Variants in DOCK9 observed in about 807,000 individuals in gnomAD.
DOCK9 encodes the protein dedicator of cytokinesis protein 9.
A neutral mutation model predicts 263.3 loss-of-function variants in DOCK9; 89 were observed. The observed-to-expected ratio is 0.34, with a 90% CI of 0.28 to 0.40. The LOEUF (loss-of-function observed/expected upper bound fraction) is 0.40. Ranked by LOEUF, DOCK9 falls within the 10% of genes least tolerant of loss-of-function variation. The pLI is 1.00. For missense variants in DOCK9, 2,140 were observed against 2,603.4 expected, an observed-to-expected ratio of 0.82 and a Z score of 3.87; for synonymous variants, 976 against 973.1, an observed-to-expected ratio of 1.00 and a Z score of -0.06.
At chr13:99,018,440 TA>T (rs1469897661) in intron 1 of DOCK9, among the ~76,000 whole-genome samples, 1 of 152,256 alleles carries the variant, frequency 6.6e-6, no homozygotes, top group Non-Finnish European at 1.5e-5. Context: ...GTGGGACGAA[TA>T]AATTTCTGTT....
At chr13:98,854,316 A>AT (rs1010286515) in intron 34 of DOCK9, among the ~76,000 whole-genome samples, 39 of 152,158 alleles carry the variant, frequency 2.6e-4, no homozygotes, top group Admixed American at 2.0e-3. Context: ...AATAAAAAAA[A>AT]TTTTTTTACC....
At chr13:98,865,843 G>A (rs1454601065) in intron 30 of DOCK9, among the ~76,000 whole-genome samples, 1 of 152,168 alleles carries the variant, frequency 6.6e-6, no homozygotes, top group Non-Finnish European at 1.5e-5. Flanking sequence ...CATGCAGGAG[G>A]TGTGGAGTGG....
At chr13:98,885,917 G>A (rs2045624601) in intron 19 of DOCK9, 86 bp from the exon 20 acceptor site, 12 of 1,241,150 alleles carry the variant, frequency 9.7e-6, no homozygotes, top group Admixed American at 2.5e-5. Context: ...GTTACCCAAC[G>A]CATAAACGTG....
intron 39 of DOCK9, among the ~76,000 whole-genome samples, chr13:98,833,805 G>A (rs1038007049): frequency 2.0e-5 from 3 of 151,936 alleles, no homozygotes; most frequent in African/African-American, 7.3e-5. Flanking sequence ...CTTTTTCTGT[G>A]TCTCCCTGCT....
In DOCK9 at chr13:98,829,543, G is replaced by A. The variant is rs1423480656; in HGVS notation, c.4750-21C>T. The stretch of plus-strand genomic sequence containing the variant: ...GTGTGCTAAAACAAGGGTGGAAGAG[G>A]AAAGGACACATGGCTTCCTCTGTTT... On this transcript the variant is annotated intron_variant, in intron 42 of 52. Coordinates refer to ENST00000682017, the MANE Select transcript of DOCK9 (RefSeq NM_001366683.2). The surrounding 1 kb of genome is among the most constrained non-coding windows in gnomAD (Gnocchi z 4.1). 6.9e-6 allele frequency: 11 copies of A among 1,603,808 alleles called. No individual in the cohort carries two copies. The highest frequency in any genetic ancestry group is 9.4e-6 in the Non-Finnish European group (11 of 1,174,390).
chr13:99,030,356 G>A (rs1010684637), intron 1 of DOCK9, among the ~76,000 whole-genome samples: 2 of 152,182 alleles, frequency 1.3e-5, no homozygotes, highest in Admixed American at 1.3e-4. Context: ...TGGAACATTT[G>A]TTTCTGTACA....
chr13:98,802,879 G>GT (rs2090280470), intron 49 of DOCK9, among the ~76,000 whole-genome samples: 2 of 152,210 alleles, frequency 1.3e-5, no homozygotes, highest in Admixed American at 1.3e-4. Flanking sequence ...GAACGCCCTG[G>GT]TGTGTGTATC....
chr13:99,066,594 G>T (rs117221188), intron 1 of DOCK9, among the ~76,000 whole-genome samples: 2,498 of 152,110 alleles, frequency 0.016, 38 homozygotes, highest in South Asian at 0.056. Context: ...TAAGGACATC[G>T]TCAAGATCCA....
chr13:98,998,171 G>A (rs1176034101), intron 1 of DOCK9, among the ~76,000 whole-genome samples: 5 of 152,180 alleles, frequency 3.3e-5, no homozygotes, highest in African/African-American at 1.2e-4. Context: ...GAGCCTTGGG[G>A]CAAGGGTGAT....
chr13:99,039,032 T>C (rs1888214242), intron 1 of DOCK9, among the ~76,000 whole-genome samples: 2 of 152,252 alleles, frequency 1.3e-5, no homozygotes, highest in Admixed American at 6.5e-5. Context: ...CCTACTTTCC[T>C]AGAGAATTTC....
Position 98,825,834 on chromosome 13 carries a change from A to AG in DOCK9, c.5023+995dup. On this transcript the variant is annotated intron_variant, in intron 44 of 52. Transcript: ENST00000682017. This position sits in a 1 kb window ranked among gnomAD's most constrained non-coding sequence, Gnocchi z 4.1. ...CCACGGGAGGGCACGTGACCAGGGC[A>AG]GGGGGTCCCCGGGGGCTGGGCTGAT... The AG allele has an allele frequency of 7.0e-7, 1 of 1,423,040 alleles. No individual in the cohort carries two copies. The highest frequency in any genetic ancestry group is 9.3e-7 in the Non-Finnish European group (1 of 1,073,254). The allele number at this position is 1,423,040 out of a possible 1,614,324, so 88.2% of individuals were successfully genotyped here.
chr13:98,874,521 A>C (rs999846063), intron 27 of DOCK9, among the ~76,000 whole-genome samples: 1 of 152,214 alleles, frequency 6.6e-6, no homozygotes, highest in East Asian at 1.9e-4. Context: ...GTGGAACTGC[A>C]GGGTTGAATG....
At chr13:98,999,457 T>A (rs1881847722) in intron 1 of DOCK9, among the ~76,000 whole-genome samples, 1 of 152,178 alleles carries the variant, frequency 6.6e-6, no homozygotes. Context: ...AATGATGATT[T>A]CCCTTGCTTG....
rs71719426 is a variant in DOCK9, at chr13:98,954,863, T to TACACACACACACACACACACAC, written c.243+550_243+571dup. ...CAGAGTATAGCACTTTTATTCAAGA[T>TACACACACACACACACACACAC]ACACACACACACACACACACACACA... On this transcript the variant is annotated intron_variant, in intron 2 of 52. Transcript: ENST00000682017. 6.4e-4 allele frequency among the ~76,000 whole-genome samples: 94 copies of TACACACACACACACACACACAC among 146,584 alleles called. 2 individuals are homozygous for TACACACACACACACACACACAC. The East Asian group carries it at 0.014, about 21-fold the overall frequency.
chr13:98,902,444 G>T lies in DOCK9; in HGVS notation c.1224C>A (p.Asn408Lys), dbSNP rs1316823921. 1 of 1,613,844 alleles carries T rather than the reference G, an allele frequency of 6.2e-7. No individual in the cohort carries two copies. The highest frequency in any genetic ancestry group is 1.3e-5 in the African/African-American group (1 of 74,916). Residue 408 changes from asparagine (N) to lysine (K), a missense_variant, in exon 12 of 53, where the codon AAC (asparagine) becomes AAA (lysine). Transcript: ENST00000682017. ...CGTGGAAATCGGCAGAAATCTTCCG[G>T]TTGTATTTTATGTCAAACAGGGATA... is the stretch of plus-strand genomic sequence containing the variant. ...VTLSLFDIKY[N>K]RKISADFHVD... is the part of the protein sequence containing the mutation.
intron 1 of DOCK9, among the ~76,000 whole-genome samples, chr13:99,005,071 CAA>C (rs757548444): frequency 3.7e-5 from 5 of 136,156 alleles, no homozygotes; most frequent in Non-Finnish European, 3.2e-5. Flanking sequence ...CCGGATATAC[CAA>C]AAAAAAAAAA....
intron 1 of DOCK9, among the ~76,000 whole-genome samples, chr13:98,998,190 G>C (rs1434469370): frequency 6.6e-6 from 1 of 152,128 alleles, no homozygotes; most frequent in Admixed American, 6.5e-5. Flanking sequence ...ATGGCAGCTG[G>C]CAGGCATGCA....
chr13:99,039,901 C>T (rs1214321621), intron 1 of DOCK9, among the ~76,000 whole-genome samples: 1 of 152,194 alleles, frequency 6.6e-6, no homozygotes, highest in African/African-American at 2.4e-5. Flanking sequence ...GAACAAGTTA[C>T]TTAACTCCTC....
intron 1 of DOCK9, among the ~76,000 whole-genome samples, chr13:98,984,905 C>G (rs1395249144): frequency 6.6e-6 from 1 of 152,162 alleles, no homozygotes; most frequent in Non-Finnish European, 1.5e-5. Flanking sequence ...ATGGAATGCA[C>G]TGACCTACTA....
Sources: allele counts gnomAD v4.1 joint callset (sites outside exome capture counted in the v4.1 genomes callset), GRCh38; gene constraint gnomAD v4.1.1; non-coding constraint Gnocchi (gnomAD v3.1); transcripts MANE v1.5; gene names NCBI Gene and HGNC (gene_info 2026-07-23, HGNC 2026-07-21).